The following SNAP91 variants were observed in gnomAD, a reference collection of about 807,000 sequenced individuals.
The protein encoded by SNAP91 is synaptosome associated protein 91.
Under a neutral mutation model 100.3 loss-of-function variants are expected in SNAP91, and 27 were observed. The observed-to-expected ratio is 0.27, with a 90% confidence interval of 0.20 to 0.37. The LOEUF is 0.37. Among genes scored for constraint, SNAP91 ranks in the 10% least tolerant of loss-of-function variants. The pLI is 1.00. For synonymous variants in SNAP91, 404 were observed against 398.6 expected, an observed-to-expected ratio of 1.01 and a Z score of -0.16; for missense variants, 986 against 1,123.7, an observed-to-expected ratio of 0.88 and a Z score of 1.75.
intron 2 of SNAP91, among the ~76,000 whole-genome samples, chr6:83,677,281 AC>A (rs1315764805): frequency 6.6e-6 from 1 of 152,174 alleles, no homozygotes; most frequent in Non-Finnish European, 1.5e-5. Context: ...GGCAAGCTAT[AC>A]CCCAAAATGC....
rs1261641238 is a variant in SNAP91, at chr6:83,593,533, G to A, written c.1641C>T (p.Thr547=). 6.4e-7 allele frequency: 1 copy of A among 1,552,790 alleles called. No homozygotes were observed. The highest frequency in any genetic ancestry group is 8.7e-7 in the Non-Finnish European group (1 of 1,147,518). The stretch of plus-strand genomic sequence containing the variant: ...TGGTGGCGGTGGCAGCGGAGGTGGT[G>A]GTAGTGGTGGTGGCAGCGGCGGTGG... The part of the protein sequence containing the change: ...TAATAAATTT[T]TTSAATATTA... Residue 547 remains threonine (T), a synonymous_variant, in exon 18 of 30, where the codon ACC becomes ACT. Transcript: ENST00000369694.
intron 8 of SNAP91, among the ~76,000 whole-genome samples, chr6:83,633,166 C>T (rs1268841206): frequency 6.6e-6 from 1 of 152,142 alleles, no homozygotes; most frequent in African/African-American, 2.4e-5. Context: ...CTGGATCTAG[C>T]CACCCAGCAA....
intron 24 of SNAP91, among the ~76,000 whole-genome samples, chr6:83,580,111 T>C (rs909228289): frequency 4.6e-5 from 7 of 152,234 alleles, no homozygotes; most frequent in African/African-American, 1.7e-4. Context: ...TCATGTAAGT[T>C]ACCCTATGTT....
At chr6:83,688,629 G>A (rs1230305970) in intron 2 of SNAP91, among the ~76,000 whole-genome samples, 1 of 151,626 alleles carries the variant, frequency 6.6e-6, no homozygotes, top group Non-Finnish European at 1.5e-5. Context: ...TCAGCCTCCT[G>A]AGGAGCTGGG....
At chr6:83,654,183 C>A (rs1033758799) in intron 7 of SNAP91, among the ~76,000 whole-genome samples, 1 of 152,156 alleles carries the variant, frequency 6.6e-6, no homozygotes, top group Non-Finnish European at 1.5e-5. Flanking sequence ...TCATTAATCA[C>A]AGTTCAGATC....
intron 26 of SNAP91, among the ~76,000 whole-genome samples, chr6:83,572,494 C>T (rs1307588264): frequency 6.6e-5 from 10 of 152,210 alleles, no homozygotes; most frequent in Middle Eastern, 3.4e-3. Flanking sequence ...TCAAGTGATC[C>T]GCCTGCCTTG....
chr6:83,655,227 C>G (rs1562525008), intron 7 of SNAP91, among the ~76,000 whole-genome samples: 1 of 152,174 alleles, frequency 6.6e-6, no homozygotes, highest in Non-Finnish European at 1.5e-5. Context: ...AATTTTGTAC[C>G]TTGCACTCTT....
intron 16 of SNAP91, among the ~76,000 whole-genome samples, chr6:83,595,254 G>T (rs974056693): frequency 4.6e-5 from 7 of 152,066 alleles, no homozygotes; most frequent in Non-Finnish European, 8.8e-5. Context: ...TTATTTTAAA[G>T]ACATAAAGAG....
intron 12 of SNAP91, 99 bp downstream of exon 12, chr6:83,610,551 C>T (rs1201087952): frequency 1.7e-5 from 7 of 403,916 alleles, no homozygotes; most frequent in Middle Eastern, 3.3e-4. Flanking sequence ...GGTTGTACAA[C>T]AATGTTAAGG....
At chr6:83,685,827 A>G (rs1289301299) in intron 2 of SNAP91, among the ~76,000 whole-genome samples, 1 of 152,148 alleles carries the variant, frequency 6.6e-6, no homozygotes, top group Non-Finnish European at 1.5e-5. Flanking sequence ...ATCACCTACA[A>G]AGAAAATCCA....
At chr6:83,569,728 C>T (rs1481028585) in intron 26 of SNAP91, among the ~76,000 whole-genome samples, 1 of 152,054 alleles carries the variant, frequency 6.6e-6, no homozygotes. Flanking sequence ...GCAGGTCTTT[C>T]CCATGCTGTT....
intron 2 of SNAP91, among the ~76,000 whole-genome samples, chr6:83,677,091 T>A (rs1046774826): frequency 6.6e-6 from 1 of 152,142 alleles, no homozygotes; most frequent in Non-Finnish European, 1.5e-5. Context: ...TTGTATCTAG[T>A]TCATGTTTCT....
intron 2 of SNAP91, chr6:83,690,467 TAATAAGAA>T: frequency 8.2e-7 from 1 of 1,214,720 alleles, no homozygotes; most frequent in South Asian, 1.3e-5. Flanking sequence ...AGTTACACAT[TAATAAGAA>T]AATACTCAAC....
At chr6:83,630,401 C>T (rs764459776) in intron 8 of SNAP91, among the ~76,000 whole-genome samples, 16 of 151,992 alleles carry the variant, frequency 1.1e-4, no homozygotes, top group Admixed American at 8.5e-4. Flanking sequence ...CTCTATCTTG[C>T]GGAATAGTGT....
rs757812922 is a variant in SNAP91, at chr6:83,582,335, G to A, written c.2036C>T (p.Ala679Val). ...TGGAGTCACTGGAGATGGGGAAGGC[G>A]CCATGAAAGAACCCCCAAATCCTGA... Reference protein sequence around the residue: ...LLAGFGGSFMAPSPSPVTPAQ... With the variant: ...LLAGFGGSFMVPSPSPVTPAQ... The change falls in exon 23 of 30, where the codon GCG becomes GTG. Residue 679 changes from alanine to valine, a missense_variant. Physicochemically the swap from Ala to Val is moderately conservative, Grantham distance 64 (BLOSUM62 0). This residue lies in a region of SNAP91 where 575 missense variants were observed against 579.9 expected (regional missense o/e 0.99). Coordinates refer to ENST00000369694, the MANE Select transcript of SNAP91 (RefSeq NM_001242792.2). 100 of 1,612,394 alleles carry A rather than the reference G, an allele frequency of 6.2e-5. No homozygotes were observed. The highest frequency in any genetic ancestry group is 8.0e-5 in the Non-Finnish European group (94 of 1,179,224).
intron 16 of SNAP91, among the ~76,000 whole-genome samples, chr6:83,600,394 T>C (rs2095044181): frequency 6.6e-6 from 1 of 152,224 alleles, no homozygotes; most frequent in Non-Finnish European, 1.5e-5. Flanking sequence ...CTCCAATTTC[T>C]TTACCATATT....
At chr6:83,605,854 A>T (rs532785878) in intron 13 of SNAP91, 51 bp from the exon 14 acceptor site, 2 of 1,428,758 alleles carry the variant, frequency 1.4e-6, no homozygotes, top group Non-Finnish European at 1.9e-6. Context: ...TTATAACATA[A>T]AGGTGTTTTT....
chr6:83,675,612 C>T (rs2098852964), intron 2 of SNAP91, among the ~76,000 whole-genome samples: 1 of 152,040 alleles, frequency 6.6e-6, no homozygotes, highest in East Asian at 1.9e-4. Context: ...CAGCATATAT[C>T]ACAGTTATTG....
chr6:83,604,990 T>C (rs1261666375), intron 14 of SNAP91, among the ~76,000 whole-genome samples: 5 of 152,178 alleles, frequency 3.3e-5, no homozygotes, highest in African/African-American at 9.6e-5. Context: ...GAAGGCATGG[T>C]ATTTAAAACC....
Sources: allele counts gnomAD v4.1 joint callset (sites outside exome capture counted in the v4.1 genomes callset), GRCh38; gene constraint gnomAD v4.1.1; regional missense constraint gnomAD v4.1.1; transcripts MANE v1.5; gene names NCBI Gene and HGNC (gene_info 2026-07-23, HGNC 2026-07-21).